Variants in LCMT1 observed in about 807,000 individuals in gnomAD.
LCMT1 encodes [Phosphatase 2A protein]-leucine-carboxy methyltransferase 1.
In LCMT1, 32 loss-of-function variants were observed where a neutral mutation model predicts 47.7. That is an observed-to-expected ratio of 0.67 (90% CI 0.51 to 0.90). The LOEUF (loss-of-function observed/expected upper bound fraction) is 0.90. Among genes scored for constraint, LCMT1 ranks in the 40% least tolerant of loss-of-function variants. LCMT1 has a pLI of 0.00. For missense variants in LCMT1, 375 were observed against 415.2 expected (o/e 0.90, Z 0.84); for synonymous variants, 152 against 149.7 (o/e 1.02, Z -0.11).
At chr16:25,172,402 G>C (rs764793579) in intron 9 of LCMT1, among the ~76,000 whole-genome samples, 15 of 152,026 alleles carry the variant, frequency 9.9e-5, no homozygotes, top group Non-Finnish European at 1.9e-4. Context: ...AATGTCTGTA[G>C]CTGGGCATTT....
chr16:25,121,460 G>C (rs754013110), intron 1 of LCMT1, among the ~76,000 whole-genome samples: 1 of 152,146 alleles, frequency 6.6e-6, no homozygotes, highest in Non-Finnish European at 1.5e-5. Flanking sequence ...CTCTTAAAAG[G>C]TTAATTTTTT....
intron 4 of LCMT1, chr16:25,147,936 G>C (rs1292196334): frequency 1.3e-5 from 2 of 152,084 alleles, no homozygotes; most frequent in Non-Finnish European, 2.9e-5. Flanking sequence ...CATCTGATTT[G>C]GATTCCTTCC....
chr16:25,140,460 C>T (rs1016868717), intron 4 of LCMT1: 2 of 530,472 alleles, frequency 3.8e-6, no homozygotes, highest in African/African-American at 1.9e-5. Flanking sequence ...ATCACAGGCT[C>T]TATGGCTCCC....
chr16:25,115,808 G>C (rs938189188), intron 1 of LCMT1, among the ~76,000 whole-genome samples: 18 of 152,130 alleles, frequency 1.2e-4, no homozygotes, highest in African/African-American at 4.3e-4. Flanking sequence ...CTCCCGAGTA[G>C]CTGGGACTAC....
chr16:25,174,877 G>T (rs898676623), intron 9 of LCMT1, 60 bp from the exon 10 acceptor site: 1 of 815,100 alleles, frequency 1.2e-6, no homozygotes, highest in East Asian at 2.8e-5. Context: ...GTAGCTATGG[G>T]CCATGATCTT....
intron 3 of LCMT1, chr16:25,139,951 C>T (rs1467147961): frequency 5.7e-6 from 3 of 527,124 alleles, no homozygotes; most frequent in South Asian, 2.4e-5. Flanking sequence ...ACCTTCTTAC[C>T]TGGCTGACTC....
chr16:25,140,303 CAA>C (rs1960645532), intron 4 of LCMT1, 56 bp downstream of exon 4: 13 of 1,262,826 alleles, frequency 1.0e-5, no homozygotes, highest in Admixed American at 4.0e-5. Context: ...ATCCAGCTCT[CAA>C]GAGATGGCAG....
At chr16:25,124,853 A>T (rs771852246) in intron 1 of LCMT1, among the ~76,000 whole-genome samples, 58 of 152,194 alleles carry the variant, frequency 3.8e-4, no homozygotes, top group Non-Finnish European at 4.9e-4. Flanking sequence ...GATGCTTATC[A>T]TTTTTGTAGT....
chr16:25,163,926 C>A (rs537017819), intron 6 of LCMT1, among the ~76,000 whole-genome samples: 1 of 152,144 alleles, frequency 6.6e-6, no homozygotes, highest in Admixed American at 6.5e-5. Flanking sequence ...GCTGGAGGTT[C>A]TTCTGCAGTT....
rs1383150857 is a variant in LCMT1 at position 25,133,725 on chromosome 16, C to T, written c.327+1202C>T. ...TGGGCTTAGATTTTAATAGCCAAAC[C>T]GTTTCCCTACAAAGTCCTCACTAAT... On this transcript the variant is annotated intron_variant, in intron 3 of 10. Transcript: ENST00000399069. Among the ~76,000 whole-genome samples the T allele has an allele frequency of 1.8e-4, 27 of 150,708 alleles. No homozygotes were observed. The East Asian group carries it at 5.1e-3, about 28-fold the overall frequency.
chr16:25,162,387 G>A (rs1336059040), intron 6 of LCMT1, among the ~76,000 whole-genome samples: 2 of 152,004 alleles, frequency 1.3e-5, no homozygotes, highest in African/African-American at 2.4e-5. Flanking sequence ...TCAGGAGTTC[G>A]AGACCAGCCT....
chr16:25,169,294 C>G (rs772728199), intron 8 of LCMT1, 81 bp downstream of exon 8: 62 of 907,610 alleles, frequency 6.8e-5, no homozygotes, highest in Non-Finnish European at 1.1e-4. Context: ...CAGATGTGAT[C>G]ATGGAGAAGC....
At chr16:25,164,834 C>A in intron 7 of LCMT1, 116 bp downstream of exon 7, 1 of 1,363,892 alleles carries the variant, frequency 7.3e-7, no homozygotes, top group Non-Finnish European at 1.0e-6. Flanking sequence ...CAGCCTCTCA[C>A]ATATCTCCTT....
chr16:25,151,734 A>C, intron 5 of LCMT1, 119 bp downstream of exon 5: 2 of 294,494 alleles, frequency 6.8e-6, no homozygotes, highest in Non-Finnish European at 1.1e-5. Flanking sequence ...GTGTTATACA[A>C]TGTATTGTCA....
chr16:25,114,340 C>G (rs1248995980), intron 1 of LCMT1, among the ~76,000 whole-genome samples: 7 of 152,110 alleles, frequency 4.6e-5, no homozygotes, highest in Non-Finnish European at 8.8e-5. Context: ...TGGAGGTGTT[C>G]AGAATTGGTA....
At chr16:25,174,061 A>G (rs962411286) in intron 9 of LCMT1, among the ~76,000 whole-genome samples, 2 of 152,046 alleles carry the variant, frequency 1.3e-5, no homozygotes, top group African/African-American at 2.4e-5. Flanking sequence ...ACAGGTGGGC[A>G]CCACCATGCC....
chr16:25,131,461 T>C lies in LCMT1; in HGVS notation c.206-941T>C, dbSNP rs144872667. On this transcript the variant is annotated intron_variant, in intron 2 of 10. Transcript: ENST00000399069. Reference sequence around the variant, plus strand: ...CGGATGATATCTCTGTAAAATACAATAGAAATGATCTAGAAAAATAAAATG... The same window carrying C: ...CGGATGATATCTCTGTAAAATACAACAGAAATGATCTAGAAAAATAAAATG... 4.3e-3 allele frequency among the ~76,000 whole-genome samples: 661 copies of C among 152,332 alleles called. 3 individuals are homozygous for C. Among genetic ancestry groups the C allele is most frequent in the African/African-American group, 0.015 (637 of 41,576 alleles).
intron 6 of LCMT1, among the ~76,000 whole-genome samples, chr16:25,163,424 G>A (rs956182902): frequency 4.1e-5 from 6 of 147,978 alleles, no homozygotes; most frequent in African/African-American, 7.5e-5. Flanking sequence ...AGCTGAGATC[G>A]TGCCACTCCA....
rs538821933 is a variant in LCMT1, at chr16:25,155,970, G to A, written c.466+4355G>A. Among the ~76,000 whole-genome samples the A allele has an allele frequency of 8.5e-5, 13 of 152,232 alleles. No individual in the cohort carries two copies. In the South Asian group the frequency reaches 1.7e-3, roughly 19 times the overall value. On this transcript the variant is annotated intron_variant, in intron 5 of 10. Transcript: ENST00000399069. Reference sequence around the variant, plus strand: ...GTTGGGATTAAGGGCGTGAGCCCCCGCACCTGCTCCTGATTTTCCCTTTGA... The same window carrying A: ...GTTGGGATTAAGGGCGTGAGCCCCCACACCTGCTCCTGATTTTCCCTTTGA...
Sources: gnomAD v4.1 joint callset for allele counts (sites outside exome capture counted in the v4.1 genomes callset) on GRCh38, gnomAD v4.1.1 for gene constraint, MANE v1.5 for transcripts, NCBI Gene and HGNC (gene_info 2026-07-23, HGNC 2026-07-21) for gene names.